ZNF85: variants seen among roughly 807,000 people sequenced by gnomAD.
ZNF85 encodes the protein zinc finger protein 85.
Under a neutral mutation model 53.9 loss-of-function variants are expected in ZNF85, and 50 were observed. That is an observed-to-expected ratio of 0.93 (90% CI 0.74 to 1.17). ZNF85 has a LOEUF of 1.17. Ranked by LOEUF, ZNF85 falls within the 50% of genes most tolerant of loss-of-function variation. The pLI, the probability that ZNF85 is intolerant of heterozygous loss-of-function variation, is 0.00. For synonymous variants in ZNF85, 225 were observed against 226.1 expected, an observed-to-expected ratio of 1.00 and a Z score of 0.04; for missense variants, 747 against 688.5, an observed-to-expected ratio of 1.08 and a Z score of -0.95.
chr19:20,942,154 A>T (rs1305646495), intron 3 of ZNF85, among the ~76,000 whole-genome samples: 6 of 150,482 alleles, frequency 4.0e-5, no homozygotes, highest in Admixed American at 3.3e-4. Context: ...TGTAGCTTTT[A>T]TATTATTATT....
chr19:20,931,620 C>CTTTTTTTTT (rs1156835317), intron 1 of ZNF85, among the ~76,000 whole-genome samples: 29 of 119,462 alleles, frequency 2.4e-4, no homozygotes, highest in Non-Finnish European at 3.0e-4. Flanking sequence ...TTTTCTTTTT[C>CTTTTTTTTT]TTTTTTTTTT....
intron 3 of ZNF85, among the ~76,000 whole-genome samples, chr19:20,938,026 G>A (rs192786603): frequency 6.6e-6 from 1 of 152,296 alleles, no homozygotes; most frequent in East Asian, 1.9e-4. Context: ...AAAGCTCTTA[G>A]AGGCACTTAT....
intron 3 of ZNF85, among the ~76,000 whole-genome samples, chr19:20,944,449 G>C (rs1348467239): frequency 6.8e-6 from 1 of 148,106 alleles, no homozygotes; most frequent in African/African-American, 2.5e-5. Context: ...TCTTGTTTTT[G>C]AAGTAAAGTA....
chr19:20,934,709 G>A (rs868734679), intron 2 of ZNF85, among the ~76,000 whole-genome samples: 4 of 150,604 alleles, frequency 2.7e-5, no homozygotes, highest in Non-Finnish European at 5.9e-5. Flanking sequence ...CTCAGGAGGC[G>A]GAGCTTGCAG....
chr19:20,943,190 A>C (rs943359220), intron 3 of ZNF85: 1 of 248,406 alleles, frequency 4.0e-6, no homozygotes. Context: ...CATGTCTGTT[A>C]ATCCTAGTTG....
intron 3 of ZNF85, among the ~76,000 whole-genome samples, chr19:20,941,593 G>A (rs1246146330): frequency 3.9e-5 from 6 of 152,092 alleles, no homozygotes; most frequent in Admixed American, 2.6e-4. Context: ...TTTCCCATTT[G>A]TGTATTCTTT....
At chr19:20,926,971 T>G (rs1304150189) in intron 1 of ZNF85, 3 of 151,816 alleles carry the variant, frequency 2.0e-5, no homozygotes, top group Non-Finnish European at 4.4e-5. Flanking sequence ...CATAAAAGAT[T>G]AGAAAAAAGG....
At chr19:20,934,550 A>G (rs1429605932) in intron 2 of ZNF85, among the ~76,000 whole-genome samples, 1 of 152,110 alleles carries the variant, frequency 6.6e-6, no homozygotes, top group Non-Finnish European at 1.5e-5. Context: ...CGGACGGATC[A>G]CGAGGTCAGG....
chr19:20,945,090 A>G (rs1324988853), intron 3 of ZNF85, among the ~76,000 whole-genome samples: 1 of 151,738 alleles, frequency 6.6e-6, no homozygotes, highest in Non-Finnish European at 1.5e-5. Flanking sequence ...TTAAGATAAT[A>G]TAAAAACTAT....
chr19:20,933,961 G>C, intron 1 of ZNF85, 63 bp from the exon 2 acceptor site: 1 of 53,228 alleles, frequency 1.9e-5, no homozygotes, highest in Non-Finnish European at 3.3e-5. Flanking sequence ...GTAATTATGT[G>C]TGTGTGTGTG....
chr19:20,926,512 A>G (rs558312872), intron 1 of ZNF85, among the ~76,000 whole-genome samples: 117 of 152,286 alleles, frequency 7.7e-4, no homozygotes, highest in African/African-American at 2.2e-3. Context: ...TTCAAAAACC[A>G]AGGGAATAAA....
In ZNF85 at chr19:20,948,967, T is replaced by C. The variant is rs1397185717; in HGVS notation, c.453T>C (p.Tyr151=). 1.2e-6 allele frequency: 2 copies of C among 1,613,554 alleles called. No individual in the cohort carries two copies. Among genetic ancestry groups the C allele is most frequent in the African/African-American group, 2.7e-5 (2 of 74,892 alleles). Residue 151 remains tyrosine (Y), a synonymous_variant, in exon 4 of 4, where the codon TAT becomes TAC. Coordinates refer to ENST00000328178, the MANE Select transcript of ZNF85 (RefSeq NM_003429.5). ...GCAAAATATTTCAATGTGATAAATA[T>C]GTAAAAGTCGCTCATAAATTTTCAA... ...TQSKIFQCDK[Y]VKVAHKFSNS...
In ZNF85 at chr19:20,933,304, T is replaced by G. The variant is rs908493474; in HGVS notation, c.4-720T>G. Among the ~76,000 whole-genome samples the G allele has an allele frequency of 3.3e-5, 5 of 152,238 alleles. No individual in the cohort carries two copies. In the East Asian group the frequency reaches 7.7e-4, roughly 23 times the overall value. ...TATAGAGATAATTATTTTTTCTTCA[T>G]TATTATCTTAATGCAGCTAATGTGC... is the stretch of plus-strand genomic sequence containing the variant. On this transcript the variant is annotated intron_variant, in intron 1 of 3. Transcript: ENST00000328178.
chr19:20,925,066 A>T (rs1395079498), intron 1 of ZNF85, among the ~76,000 whole-genome samples: 1 of 152,122 alleles, frequency 6.6e-6, no homozygotes, highest in African/African-American at 2.4e-5. Flanking sequence ...CTGAGGTATG[A>T]AGTGTATCCT....
Position 20,950,091 on chromosome 19 carries a change from C to G in ZNF85, c.1577C>G (p.Thr526Ser), listed in dbSNP as rs151233951. 2 of 1,613,198 alleles carry G rather than the reference C, an allele frequency of 1.2e-6. No homozygotes were observed. The highest frequency in any genetic ancestry group is 3.3e-5 in the Admixed American group (2 of 59,994). ...GCTTTTAACCAATCCTCAAAACTTA[C>G]CAAACATAAGAAAATTCATACTGGA... ...GKAFNQSSKL[T>S]KHKKIHTGEK... The change falls in exon 4 of 4, where the codon ACC becomes AGC. Residue 526 changes from threonine to serine, a missense_variant. Coordinates refer to ENST00000328178, the MANE Select transcript of ZNF85 (RefSeq NM_003429.5).
chr19:20,946,781 A>G (rs751385033), intron 3 of ZNF85, among the ~76,000 whole-genome samples: 5 of 152,048 alleles, frequency 3.3e-5, no homozygotes, highest in Non-Finnish European at 7.4e-5. Flanking sequence ...TAAAATTTGC[A>G]TGGAATGTCT....
At chr19:20,945,488 G>GTT (rs142825950) in intron 3 of ZNF85, 17,189 of 151,948 alleles carry the variant, frequency 0.11, 1,010 homozygotes, top group Non-Finnish European at 0.13. Context: ...TTTGTTTTCT[G>GTT]TTTTTTTGAG....
rs558972066 is a variant in ZNF85 at position 20,946,307 on chromosome 19, A to G, written c.230-2437A>G. 4.8e-4 allele frequency: 199 copies of G among 416,756 alleles called. 1 individual carries two copies. Among genetic ancestry groups the G allele is most frequent in the South Asian group, 3.6e-3 (193 of 54,254 alleles). The allele number at this position is 416,756 out of a possible 1,614,324, so 25.8% of individuals were successfully genotyped here. ...CTTTTTTTGTCCTAACAGGTTGTCT[A>G]TCAAAAAGAATGTCGTATGAGCTAT... On this transcript the variant is annotated intron_variant, in intron 3 of 3. Transcript: ENST00000328178.
At chr19:20,936,706 G>C (rs1973166049) in intron 3 of ZNF85, 1 of 154,182 alleles carries the variant, frequency 6.5e-6, no homozygotes, top group African/African-American at 2.4e-5. Context: ...AACAGGCTAT[G>C]ACCTAATGCT....
Sources: gnomAD v4.1 joint callset for allele counts (sites outside exome capture counted in the v4.1 genomes callset) on GRCh38, gnomAD v4.1.1 for gene constraint, MANE v1.5 for transcripts, NCBI Gene and HGNC (gene_info 2026-07-23, HGNC 2026-07-21) for gene names.